ADAMTS7: variants seen among roughly 807,000 people sequenced by gnomAD.
ADAMTS7 encodes the protein A disintegrin and metalloproteinase with thrombospondin motifs 7.
Under a neutral mutation model 172.6 loss-of-function variants are expected in ADAMTS7, and 89 were observed. The observed-to-expected ratio is 0.52, with a 90% confidence interval of 0.43 to 0.61. ADAMTS7 has a LOEUF of 0.61. Ranked by LOEUF, ADAMTS7 falls within the 20% of genes least tolerant of loss-of-function variation. The pLI is 0.00. For missense variants in ADAMTS7, 1,973 were observed against 2,355.6 expected, an observed-to-expected ratio of 0.84 and a Z score of 3.36; for synonymous variants, 885 against 978.4, an observed-to-expected ratio of 0.90 and a Z score of 1.78.
In ADAMTS7 at chr15:78,771,230, T is replaced by C; in HGVS notation, c.2450A>G (p.Glu817Gly). 1 of 1,612,118 alleles carries C rather than the reference T, an allele frequency of 6.2e-7. No homozygotes were observed. Among genetic ancestry groups the C allele is most frequent in the Non-Finnish European group, 8.5e-7 (1 of 1,179,668 alleles). ...TIHREAGGHD[E>G]VPPPVFSWHY... ...CCAGGAGAACACGGGCGGCGGGACCTCGTCGTGGCCACCTGCCTCCCTGTG... is the reference window on the plus strand; with the variant it reads ...CCAGGAGAACACGGGCGGCGGGACCCCGTCGTGGCCACCTGCCTCCCTGTG... Residue 817 changes from glutamate to glycine, a missense_variant, in exon 16 of 24, where the codon GAG becomes GGG. By Grantham distance (98) the Glu-to-Gly change is moderately conservative. Coordinates refer to ENST00000388820, the MANE Select transcript of ADAMTS7 (RefSeq NM_014272.5). The surrounding 1 kb of genome is among the most constrained non-coding windows in gnomAD (Gnocchi z 4.9).
At chr15:78,767,078 T>C in intron 18 of ADAMTS7, 27 bp from the exon 19 acceptor site, 1 of 1,520,834 alleles carries the variant, frequency 6.6e-7, no homozygotes, top group Non-Finnish European at 8.8e-7. Flanking sequence ...GGTGAGGGGC[T>C]TACCCTGGGA....
chr15:78,797,874 G>T, intron 3 of ADAMTS7, 74 bp downstream of exon 3: 1 of 1,520,476 alleles, frequency 6.6e-7, no homozygotes, highest in Non-Finnish European at 8.8e-7. Context: ...GGATGTTAAG[G>T]GGGGCTTCTA....
chr15:78,790,559 T>G (rs983482878), intron 6 of ADAMTS7, 111 bp downstream of exon 6: 14 of 1,467,338 alleles, frequency 9.5e-6, no homozygotes, highest in African/African-American at 2.8e-5. Flanking sequence ...CAAACTCTCC[T>G]CAAAATTGGG....
chr15:78,797,872 A>C (rs1299314556), intron 3 of ADAMTS7, 76 bp downstream of exon 3: 1 of 1,517,510 alleles, frequency 6.6e-7, no homozygotes, highest in East Asian at 2.4e-5. Flanking sequence ...GGGGATGTTA[A>C]GGGGGGCTTC....
rs188417407 is a variant in ADAMTS7 at position 78,793,528 on chromosome 15, C to T, written c.820-2305G>A. The stretch of plus-strand genomic sequence containing the variant: ...CAGGTGTGCACCACCATGCCTGGCC[C>T]GTTTTACTTTTTTTAACCCTGTGTG... On this transcript the variant is annotated intron_variant, in intron 4 of 23. Coordinates refer to ENST00000388820, the MANE Select transcript of ADAMTS7 (RefSeq NM_014272.5). 4.2e-3 allele frequency among the ~76,000 whole-genome samples: 643 copies of T among 152,058 alleles called. 2 individuals are homozygous for T. The highest frequency in any genetic ancestry group is 0.014 in the African/African-American group (596 of 41,496).
intron 1 of ADAMTS7, among the ~76,000 whole-genome samples, chr15:78,809,871 T>G (rs1426040114): frequency 6.6e-6 from 1 of 152,254 alleles, no homozygotes; most frequent in Admixed American, 6.5e-5. Flanking sequence ...TTTGCACGGT[T>G]GTTGTGGAGA....
chr15:78,766,632 G>A lies in ADAMTS7; in HGVS notation c.3279C>T (p.Asp1093=), dbSNP rs146662463. 0.01 allele frequency: 16,755 copies of A among 1,596,552 alleles called. 338 individuals carry two copies. Among genetic ancestry groups the A allele is most frequent in the East Asian group, 0.068 (3,045 of 44,472 alleles). ...GATGGCTGTGTGGTGGGGGTGTCCG[G>A]TCCCCTGTCCCCGCCAGGTCTAGAT... ...EPDLDLAGTG[D]RTPPPHSHPA... The change falls in exon 19 of 24, where the codon GAC becomes GAT. Residue 1093 remains aspartate (D), a synonymous_variant. Coordinates refer to ENST00000388820, the MANE Select transcript of ADAMTS7 (RefSeq NM_014272.5).
At chr15:78,788,046 T>C (rs916251368) in intron 8 of ADAMTS7, among the ~76,000 whole-genome samples, 185 bp downstream of exon 8, 3 of 152,124 alleles carry the variant, frequency 2.0e-5, no homozygotes, top group African/African-American at 7.2e-5. Context: ...CCCCTCTGTT[T>C]CCCTCTACCC....
At chr15:78,775,555 C>G (rs1466422615) in intron 11 of ADAMTS7, among the ~76,000 whole-genome samples, 15 of 152,132 alleles carry the variant, frequency 9.9e-5, no homozygotes, top group Admixed American at 5.9e-4. Context: ...CCCTGCACCC[C>G]CACCCCCCCG....
At chr15:78,767,645 G>C (rs1460733686) in intron 17 of ADAMTS7, 53 bp from the exon 18 acceptor site, 18 of 1,477,880 alleles carry the variant, frequency 1.2e-5, no homozygotes, top group Non-Finnish European at 1.6e-5. Flanking sequence ...GTGGCCTGCA[G>C]GCTCACCAGC....
In ADAMTS7 at chr15:78,759,553, G is replaced by A. The variant is rs374785719; in HGVS notation, c.4929C>T (p.Phe1643=). The A allele has an allele frequency of 4.1e-4, 658 of 1,593,198 alleles. 11 individuals carry two copies. The East Asian group carries it at 0.013, about 31-fold the overall frequency. The part of the protein sequence containing the change: ...PPRCERDRLS[F]GFCETLRLLG... Reference sequence around the variant, plus strand: ...GTAGGCGCAGCGTCTCGCAGAACCCGAAGGACAGGCGGTCCCGCTCACAGC... The same window carrying A: ...GTAGGCGCAGCGTCTCGCAGAACCCAAAGGACAGGCGGTCCCGCTCACAGC... The change falls in exon 24 of 24, where the codon TTC becomes TTT. Residue 1643 remains phenylalanine, a synonymous_variant. Coordinates refer to ENST00000388820, the MANE Select transcript of ADAMTS7 (RefSeq NM_014272.5).
chr15:78,809,569 T>G (rs2055838682), intron 1 of ADAMTS7, among the ~76,000 whole-genome samples: 1 of 152,212 alleles, frequency 6.6e-6, no homozygotes, highest in Non-Finnish European at 1.5e-5. Context: ...TTGTAGTCAC[T>G]GTGTCCTGCC....
intron 1 of ADAMTS7, among the ~76,000 whole-genome samples, chr15:78,802,237 C>T (rs1460214760): frequency 6.6e-6 from 1 of 152,202 alleles, no homozygotes; most frequent in Non-Finnish European, 1.5e-5. Flanking sequence ...CAGATAACCA[C>T]AGCACTTACA....
At chr15:78,800,697 A>G in intron 1 of ADAMTS7, 150 bp from the exon 2 acceptor site, 1 of 707,892 alleles carries the variant, frequency 1.4e-6, no homozygotes, top group South Asian at 1.6e-5. Context: ...TAACTCTGCT[A>G]TTTCATCTTT....
intron 4 of ADAMTS7, 43 bp downstream of exon 4, chr15:78,796,547 C>G (rs1173215376): frequency 6.3e-7 from 1 of 1,581,656 alleles, no homozygotes; most frequent in Non-Finnish European, 8.6e-7. Context: ...CCCCACCCCC[C>G]AACACCATCC....
intron 8 of ADAMTS7, among the ~76,000 whole-genome samples, chr15:78,783,684 C>T (rs1017390265): frequency 6.6e-6 from 1 of 152,096 alleles, no homozygotes; most frequent in Non-Finnish European, 1.5e-5. Context: ...AAGTAATAAC[C>T]TCGCAGAGAT....
Position 78,776,196 on chromosome 15 carries a change from C to A in ADAMTS7, c.1698G>T (p.Thr566=), listed in dbSNP as rs367588119. 1 of 1,610,246 alleles carries A rather than the reference C, an allele frequency of 6.2e-7. No homozygotes were observed. The highest frequency in any genetic ancestry group is 8.5e-7 in the Non-Finnish European group (1 of 1,179,240). ...CTGGGCCCCACACTCACGTAGGCTG[C>A]GTGCACTGCCGCTCGGCGCTCTGTA... The part of the protein sequence containing the change: ...MGVQSAERQC[T]QPTPKYKGRY... Residue 566 remains threonine, a synonymous_variant, in exon 11 of 24, where the codon ACG becomes ACT. Transcript: ENST00000388820.
chr15:78,797,867 T>A, intron 3 of ADAMTS7, 81 bp downstream of exon 3: 1 of 1,484,062 alleles, frequency 6.7e-7, no homozygotes, highest in South Asian at 1.2e-5. Context: ...GGCATGGGGA[T>A]GTTAAGGGGG....
rs2141534898 is a variant in ADAMTS7, at chr15:78,811,294, C to G, written c.-74G>C. ...CGTCCCGTCCGGTCGCTGCCTGGTC[C>G]CAGGTCCGGCTCAGGACATGCCCGG... On this transcript the variant is annotated 5_prime_UTR_variant, in exon 1 of 24. Transcript: ENST00000388820. The G allele has an allele frequency of 4.1e-6, 5 of 1,218,164 alleles. No individual in the cohort carries two copies. Among genetic ancestry groups the G allele is most frequent in the Non-Finnish European group, 5.1e-6 (5 of 979,268 alleles). The allele number at this position is 1,218,164 out of a possible 1,614,324, so 75.5% of individuals were successfully genotyped here. A position where few individuals can be genotyped will look rare whatever the true frequency, so the allele number is the denominator to read the frequency against.
Sources: allele counts gnomAD v4.1 joint callset (sites outside exome capture counted in the v4.1 genomes callset), GRCh38; gene constraint gnomAD v4.1.1; non-coding constraint Gnocchi (gnomAD v3.1); transcripts MANE v1.5; gene names NCBI Gene and HGNC (gene_info 2026-07-23, HGNC 2026-07-21).